The following DMD variants were observed in gnomAD, a reference collection of about 807,000 sequenced individuals.
DMD encodes mutant dystrophin.
Under a neutral mutation model 330.1 loss-of-function variants are expected in DMD, and 63 were observed. The ratio of observed to expected loss-of-function variants is 0.19; its 90% CI spans 0.16 to 0.24. DMD has a LOEUF of 0.24. DMD is among the 10% of genes least tolerant of loss of function. The pLI, the probability that DMD is intolerant of heterozygous loss-of-function variation, is 1.00. For synonymous variants in DMD, 1,223 were observed against 959.8 expected (o/e 1.27, Z -5.07); for missense variants, 3,344 against 2,684.1 (o/e 1.25, Z -5.43).
chrX:32,304,450 A>C (rs2097533737), intron 42 of DMD, among the ~76,000 whole-genome samples: 1 of 111,072 alleles, frequency 9.0e-6, no homozygotes, highest in South Asian at 3.7e-4. Flanking sequence ...TAAAGAATGG[A>C]TAATTTCCTA....
chrX:33,322,781 A>C (rs1313897503), intron 1 of DMD, among the ~76,000 whole-genome samples: 1 of 112,008 alleles, frequency 8.9e-6, no homozygotes, highest in Non-Finnish European at 1.9e-5. Flanking sequence ...GTTAAAGCAA[A>C]ATCCCTATGC....
chrX:33,009,450 G>GTGTGTA (rs1942093547), intron 2 of DMD, among the ~76,000 whole-genome samples: 1 of 77,377 alleles, frequency 1.3e-5, no homozygotes, highest in Admixed American at 1.4e-4. Flanking sequence ...ACATATGTAT[G>GTGTGTA]TATGTGTATA....
intron 9 of DMD, among the ~76,000 whole-genome samples, chrX:32,672,018 C>A (rs1235357602): frequency 9.0e-6 from 1 of 111,151 alleles, no homozygotes; most frequent in Admixed American, 9.6e-5. Flanking sequence ...TGGAAATAAG[C>A]ACATTCTGAA....
At chrX:32,633,116 T>A (rs113213936) in intron 11 of DMD, among the ~76,000 whole-genome samples, 1 of 112,389 alleles carries the variant, frequency 8.9e-6, no homozygotes, top group East Asian at 2.8e-4. Context: ...ATCTCAGAAC[T>A]TAAAGTACAA....
At chrX:32,540,871 T>A (rs1363856871) in intron 17 of DMD, among the ~76,000 whole-genome samples, 1 of 111,507 alleles carries the variant, frequency 9.0e-6, no homozygotes, top group African/African-American at 3.3e-5. Context: ...TAGGAAGCAC[T>A]TGGGTTTTAT....
At position 33,292,081 on chromosome X, in the gene DMD, T is replaced by C. The variant is rs111440184; in HGVS notation, c.7+47178A>G. Among the ~76,000 whole-genome samples, 582 of 111,419 alleles carry C rather than the reference T, an allele frequency of 5.2e-3. 3 individuals carry two copies. Among genetic ancestry groups the C allele is most frequent in the African/African-American group, 0.017 (537 of 30,726 alleles). On this transcript the variant is annotated intron_variant, in intron 1 of 17. Coordinates refer to the DMD transcript ENST00000288447. ...GGAGTAATTACCACGGTGGGTTTGT[T>C]TTCATTCCCTTCCCCAAAACTTCCG...
intron 2 of DMD, among the ~76,000 whole-genome samples, chrX:33,011,877 T>G (rs1036882863): frequency 1.8e-5 from 2 of 111,885 alleles, no homozygotes; most frequent in African/African-American, 3.2e-5. Context: ...TTGGTTTTTT[T>G]GCTAGCAACT....
chrX:31,134,040 G>T, intron 77 of DMD, 62 bp downstream of exon 77: 1 of 1,012,076 alleles, frequency 9.9e-7, no homozygotes, highest in Non-Finnish European at 1.4e-6. Flanking sequence ...ACACCAGTTG[G>T]GTAGGGAAGC....
chrX:32,460,392 C>A (rs763483769), intron 25 of DMD, among the ~76,000 whole-genome samples: 17 of 109,668 alleles, frequency 1.6e-4, no homozygotes, highest in East Asian at 2.9e-4. Flanking sequence ...CAATTGCAAT[C>A]CCTACCTGCT....
intron 30 of DMD, among the ~76,000 whole-genome samples, chrX:32,392,412 C>T (rs1255616291): frequency 1.8e-5 from 2 of 111,184 alleles, no homozygotes; most frequent in Non-Finnish European, 3.8e-5. Flanking sequence ...GTGCCCACCA[C>T]CATGCTCAGC....
intron 16 of DMD, among the ~76,000 whole-genome samples, chrX:32,565,011 C>T (rs983621766): frequency 1.8e-5 from 2 of 111,472 alleles, no homozygotes; most frequent in Admixed American, 1.9e-4. Flanking sequence ...ACTCATTATT[C>T]TACCATCCAA....
At chrX:32,782,970 A>G (rs1172731391) in intron 7 of DMD, among the ~76,000 whole-genome samples, 2 of 104,733 alleles carry the variant, frequency 1.9e-5, no homozygotes, top group African/African-American at 6.9e-5. Context: ...ACACACACAC[A>G]TATATATACC....
chrX:32,342,008 A>G, intron 41 of DMD, 92 bp downstream of exon 41: 1 of 926,904 alleles, frequency 1.1e-6, no homozygotes. Context: ...AACTGTACCC[A>G]GATTTTTTGT....
intron 47 of DMD, among the ~76,000 whole-genome samples, chrX:31,928,620 A>T (rs1311618209): frequency 9.0e-6 from 1 of 110,723 alleles, no homozygotes; most frequent in African/African-American, 3.3e-5. Context: ...AAAGAAAAAA[A>T]AAAATTGGGG....
intron 77 of DMD, among the ~76,000 whole-genome samples, chrX:31,128,012 G>A (rs1056372678): frequency 1.8e-5 from 2 of 111,109 alleles, no homozygotes; most frequent in Non-Finnish European, 3.8e-5. Flanking sequence ...AGAAAAATGG[G>A]TACTAGCTCC....
intron 58 of DMD, 149 bp downstream of exon 58, chrX:31,478,834 T>G: frequency 1.7e-6 from 1 of 585,259 alleles, no homozygotes; most frequent in Non-Finnish European, 2.6e-6. Context: ...TCCTTATTTT[T>G]TTTTCAGCAT....
chrX:32,914,685 A>C (rs2087630174), intron 2 of DMD, among the ~76,000 whole-genome samples: 1 of 112,415 alleles, frequency 8.9e-6, no homozygotes, highest in South Asian at 3.8e-4. Flanking sequence ...GAAAATGGAC[A>C]GTTAACCTGA....
At chrX:33,280,894 AATAGTTTTGGCTAGT>A (rs1191739363) in intron 1 of DMD, among the ~76,000 whole-genome samples, 2 of 111,626 alleles carry the variant, frequency 1.8e-5, no homozygotes, top group Non-Finnish European at 3.8e-5. Flanking sequence ...TTCCTTATTC[AATAGTTTTGGCTAGT>A]ATAGGTCCTG....
At chrX:32,051,768 C>T (rs903659965) in intron 44 of DMD, among the ~76,000 whole-genome samples, 11 of 111,161 alleles carry the variant, frequency 9.9e-5, no homozygotes, top group Admixed American at 3.9e-4. Flanking sequence ...AGAGAAGTTA[C>T]GAAAGACAAA....
Sources: gnomAD v4.1 joint callset for allele counts (sites outside exome capture counted in the v4.1 genomes callset) on GRCh38, gnomAD v4.1.1 for gene constraint, MANE v1.5 for transcripts, NCBI Gene and HGNC (gene_info 2026-07-23, HGNC 2026-07-21) for gene names.